Variants in LIN9 observed in about 807,000 individuals in gnomAD.
LIN9 encodes the protein lin-9 DREAM MuvB core complex component.
In LIN9, 18 loss-of-function variants were observed where a neutral mutation model predicts 78.0. The ratio of observed to expected loss-of-function variants is 0.23; its 90% CI spans 0.16 to 0.34. The LOEUF is 0.34. Ranked by LOEUF, LIN9 falls within the 10% of genes least tolerant of loss-of-function variation. The pLI, the probability that LIN9 is intolerant of heterozygous loss-of-function variation, is 1.00. For missense variants in LIN9, 451 were observed against 644.1 expected (o/e 0.70, Z 3.25); for synonymous variants, 192 against 215.2 (o/e 0.89, Z 0.94).
At chr1:226,278,957 T>TA (rs398053860) in intron 6 of LIN9, among the ~76,000 whole-genome samples, 34,104 of 115,466 alleles carry the variant, frequency 0.3, 4,442 homozygotes, top group South Asian at 0.44. Context: ...CCGTCTCTAC[T>TA]AAAAAAAAAA....
intron 10 of LIN9, among the ~76,000 whole-genome samples, chr1:226,260,896 C>T (rs576212147): frequency 2.8e-4 from 43 of 151,954 alleles, no homozygotes; most frequent in African/African-American, 9.9e-4. Flanking sequence ...CTGCCTGCCT[C>T]GGCCTCCCAA....
Position 226,267,966 on chromosome 1 carries a change from A to G in LIN9, c.807T>C (p.Tyr269=), listed in dbSNP as rs1660038592. 1.9e-6 allele frequency: 3 copies of G among 1,612,818 alleles called. No homozygotes were observed. The African/African-American group carries it at 4.0e-5, about 22-fold the overall frequency. Reference sequence around the variant, plus strand: ...ATGAAATACTACTTACGAGAACTTCATAGTCAGGGATGGTATGGGTTCCAA... The same window carrying G: ...ATGAAATACTACTTACGAGAACTTCGTAGTCAGGGATGGTATGGGTTCCAA... ...TGLGTHTIPD[Y]EVLSNEPHET... The change falls in exon 8 of 15, where the codon TAT becomes TAC. Residue 269 remains tyrosine, a synonymous_variant. Coordinates refer to ENST00000681046, the MANE Select transcript of LIN9 (RefSeq NM_001366245.2).
At chr1:226,298,162 T>C (rs1576357480) in intron 2 of LIN9, among the ~76,000 whole-genome samples, 1 of 152,230 alleles carries the variant, frequency 6.6e-6, no homozygotes, top group African/African-American at 2.4e-5. Context: ...GAATCAAAAA[T>C]GGAAAAAGCC....
intron 2 of LIN9, among the ~76,000 whole-genome samples, chr1:226,300,227 C>T (rs1159244679): frequency 3.3e-5 from 5 of 152,020 alleles, no homozygotes; most frequent in East Asian, 1.9e-4. Flanking sequence ...CGTGAGCCAC[C>T]GTGCCCAGTG....
At position 226,265,505 on chromosome 1, in the gene LIN9, C is replaced by CA. The variant is rs1425779519; in HGVS notation, c.1038+27dup. The CA allele has an allele frequency of 7.0e-7, 1 of 1,423,466 alleles. No homozygotes were observed. Among genetic ancestry groups the CA allele is most frequent in the Non-Finnish European group, 9.8e-7 (1 of 1,016,314 alleles). 88.2% of individuals were successfully genotyped at this position (1,423,466 alleles called of 1,614,324 possible). On this transcript the variant is annotated intron_variant, in intron 10 of 14. Transcript: ENST00000681046. This position sits in a 1 kb window ranked among gnomAD's most constrained non-coding sequence, Gnocchi z 4.1. ...AAAAGGCATTGAGTTTTTAAACAAA[C>CA]AGCCAAGATATTCAGAACAATTCTT...
chr1:226,258,468 C>CAA lies in LIN9; in HGVS notation c.1038+7063_1038+7064dup, dbSNP rs200742420. 2.1e-3 allele frequency among the ~76,000 whole-genome samples: 152 copies of CAA among 73,826 alleles called. 1 individual carries two copies. The highest frequency in any genetic ancestry group is 6.3e-3 in the African/African-American group (136 of 21,716). The allele number at this position is 73,826 out of a possible 152,430, so 48.4% of individuals were successfully genotyped here. On this transcript the variant is annotated intron_variant, in intron 10 of 14. Coordinates refer to ENST00000681046, the MANE Select transcript of LIN9 (RefSeq NM_001366245.2). ...TGGGTGACAGAGCAAGACTTTGTCT[C>CAA]AAAAAAAAAAAAAAAAAGTAAATGG... is the stretch of plus-strand genomic sequence containing the variant.
At position 226,241,863 on chromosome 1, in the gene LIN9, A is replaced by AG. The variant is rs561804830; in HGVS notation, c.1120-2768_1120-2767insC. 1.8e-4 allele frequency among the ~76,000 whole-genome samples: 27 copies of AG among 152,280 alleles called. No homozygotes were observed. The South Asian group carries it at 5.6e-3, about 32-fold the overall frequency. On this transcript the variant is annotated intron_variant, in intron 11 of 14. Coordinates refer to ENST00000681046, the MANE Select transcript of LIN9 (RefSeq NM_001366245.2). ...ACAGAGCGAGACTCTGTTTCAAAAAAAAAAAAGAAAAGGGGGTGATGTAAC... is the reference window on the plus strand; with the variant it reads ...ACAGAGCGAGACTCTGTTTCAAAAAAGAAAAAAGAAAAGGGGGTGATGTAAC...
chr1:226,235,143 G>A (rs1299250635), intron 12 of LIN9, among the ~76,000 whole-genome samples: 2 of 151,482 alleles, frequency 1.3e-5, no homozygotes, highest in Non-Finnish European at 2.9e-5. Flanking sequence ...GACCAGCCTG[G>A]CCAACATGTC....
At chr1:226,298,692 C>G (rs752016776) in intron 2 of LIN9, among the ~76,000 whole-genome samples, 22 of 152,200 alleles carry the variant, frequency 1.4e-4, no homozygotes, top group Non-Finnish European at 2.8e-4. Flanking sequence ...GAAACGCCAC[C>G]TCTACAAAAA....
At chr1:226,297,659 C>A in intron 3 of LIN9, 60 bp downstream of exon 3, 1 of 1,179,812 alleles carries the variant, frequency 8.5e-7, no homozygotes, top group Non-Finnish European at 1.2e-6. Flanking sequence ...TTACACATGA[C>A]AATAATACAG....
In LIN9 at chr1:226,291,743, T is replaced by C. The variant is rs551455149; in HGVS notation, c.265-3946A>G. 2.6e-5 allele frequency among the ~76,000 whole-genome samples: 4 copies of C among 152,306 alleles called. No individual in the cohort carries two copies. The South Asian group carries it at 6.2e-4, about 24-fold the overall frequency. ...TCAATATCTTATAGTAACTTTGGTA[T>C]ATTTGTCAAAACTAGTGCAATACTA... On this transcript the variant is annotated intron_variant, in intron 4 of 14. Coordinates refer to ENST00000681046, the MANE Select transcript of LIN9 (RefSeq NM_001366245.2).
chr1:226,271,830 A>G (rs1660294594), intron 7 of LIN9, among the ~76,000 whole-genome samples: 1 of 152,098 alleles, frequency 6.6e-6, no homozygotes, highest in Non-Finnish European at 1.5e-5. Context: ...TGAACTGGCC[A>G]TTTTTATCAT....
At chr1:226,263,139 G>C (rs1659700798) in intron 10 of LIN9, among the ~76,000 whole-genome samples, 1 of 152,154 alleles carries the variant, frequency 6.6e-6, no homozygotes, top group South Asian at 2.1e-4. Flanking sequence ...CAGGGGAAGA[G>C]ATAAAAAGGT....
At chr1:226,280,231 T>C (rs1192296036) in intron 6 of LIN9, among the ~76,000 whole-genome samples, 3 of 152,322 alleles carry the variant, frequency 2.0e-5, no homozygotes, top group Admixed American at 1.3e-4. Context: ...TGAGCTCTAT[T>C]GTCATTTGTC....
At chr1:226,279,230 T>G (rs1012131576) in intron 6 of LIN9, among the ~76,000 whole-genome samples, 4 of 151,778 alleles carry the variant, frequency 2.6e-5, no homozygotes, top group Non-Finnish European at 5.9e-5. Context: ...CACTTTGTAG[T>G]CCGAGGTGGA....
chr1:226,269,329 C>T (rs949145862), intron 7 of LIN9, among the ~76,000 whole-genome samples: 1 of 151,940 alleles, frequency 6.6e-6, no homozygotes, highest in African/African-American at 2.4e-5. Flanking sequence ...GCTGAGTAAA[C>T]AAATATAAGC....
In LIN9 at chr1:226,286,445, C is replaced by T. The variant is rs1301635637; in HGVS notation, c.412G>A (p.Gly138Ser). 1 of 1,581,046 alleles carries T rather than the reference C, an allele frequency of 6.3e-7. No homozygotes were observed. Among genetic ancestry groups the T allele is most frequent in the Non-Finnish European group, 8.6e-7 (1 of 1,159,312 alleles). ...YSNIDKPLFE[G>S]DNDFCVCLKE... is the part of the protein sequence containing the mutation. The stretch of plus-strand genomic sequence containing the variant: ...AGACATACACAGAAGTCATTATCAC[C>T]TTCAAAAAGTGGTCTGTAAAACAGA... The change falls in exon 6 of 15, where the codon GGT becomes AGT. Residue 138 changes from glycine (G) to serine (S), a missense_variant. Transcript: ENST00000681046.
At chr1:226,241,594 C>G (rs1558155772) in intron 11 of LIN9, among the ~76,000 whole-genome samples, 1 of 152,176 alleles carries the variant, frequency 6.6e-6, no homozygotes. Context: ...TGCGGTGGCT[C>G]ACGCCTGTAA....
intron 6 of LIN9, among the ~76,000 whole-genome samples, chr1:226,280,495 C>A (rs72762699): frequency 0.15 from 22,622 of 151,930 alleles, 2,135 homozygotes; most frequent in Middle Eastern, 0.23. Flanking sequence ...AACAGACTTG[C>A]GGCCGGGCGC....
Sources: allele counts gnomAD v4.1 joint callset (sites outside exome capture counted in the v4.1 genomes callset), GRCh38; gene constraint gnomAD v4.1.1; non-coding constraint Gnocchi (gnomAD v3.1); transcripts MANE v1.5; gene names NCBI Gene and HGNC (gene_info 2026-07-23, HGNC 2026-07-21).